The following AHCY variants were observed in gnomAD, a reference collection of about 807,000 sequenced individuals.
The protein encoded by AHCY is S-adenosyl-L-homocysteine hydrolase.
AHCY carries 24 observed loss-of-function variants against 45.4 expected under a neutral mutation model. That is an observed-to-expected ratio of 0.53 (90% confidence interval 0.38 to 0.74). The LOEUF (loss-of-function observed/expected upper bound fraction) is 0.74. Ranked by LOEUF, AHCY falls within the 30% of genes least tolerant of loss-of-function variation. AHCY has a pLI of 0.00. For missense variants in AHCY, 449 were observed against 594.1 expected (o/e 0.76, Z 2.54); for synonymous variants, 245 against 235.1 (o/e 1.04, Z -0.39).
chr20:34,302,901 G>C (rs2036827474), intron 1 of AHCY: 1 of 985,476 alleles, frequency 1.0e-6, no homozygotes, highest in Non-Finnish European at 1.2e-6. Flanking sequence ...AGGAGGCCGG[G>C]CGCAGGCCCC....
At chr20:34,240,939 C>T in the AHCY span, among the ~76,000 whole-genome samples, 1 of 152,100 alleles carries the variant, frequency 6.6e-6, no homozygotes, top group African/African-American at 2.4e-5. Context: ...ATGACGTTTG[C>T]TTGGCTGAAA....
the AHCY span, among the ~76,000 whole-genome samples, chr20:34,250,870 A>T: frequency 1.3e-5 from 2 of 152,100 alleles, no homozygotes; most frequent in African/African-American, 4.8e-5. Context: ...AAGGATTAAG[A>T]TACAATACTC....
intron 1 of AHCY, among the ~76,000 whole-genome samples, chr20:34,297,277 C>T (rs2036605338): frequency 6.6e-6 from 1 of 151,692 alleles, no homozygotes; most frequent in Admixed American, 6.6e-5. Context: ...ACCAAGACAT[C>T]ATATTTAATT....
the AHCY span, among the ~76,000 whole-genome samples, chr20:34,236,107 AGGAAAGGAAAGGAGT>A: frequency 8.6e-5 from 13 of 151,192 alleles, no homozygotes; most frequent in East Asian, 3.9e-4. Flanking sequence ...GGAGAAAGAA[AGGAAAGGAAAGGAGT>A]GGAAAGGAAA....
the AHCY span, chr20:34,269,200 C>A: frequency 6.9e-7 from 1 of 1,455,814 alleles, no homozygotes; most frequent in Admixed American, 2.5e-5. Flanking sequence ...GCAGGCAGGG[C>A]TTCGGGGACG....
chr20:34,272,091 G>T, the AHCY span, among the ~76,000 whole-genome samples: 2 of 151,594 alleles, frequency 1.3e-5, no homozygotes, highest in Non-Finnish European at 2.9e-5. Flanking sequence ...GGAGCCAAGC[G>T]GACAATGTCT....
intron 8 of AHCY, among the ~76,000 whole-genome samples, chr20:34,289,818 AC>A (rs2036312626): frequency 6.6e-6 from 1 of 151,800 alleles, no homozygotes; most frequent in Non-Finnish European, 1.5e-5. Context: ...CGGGGTTTCA[AC>A]CATGTTGGCC....
chr20:34,302,916 G>A (rs1165170768), intron 1 of AHCY: 2 of 985,350 alleles, frequency 2.0e-6, no homozygotes, highest in Non-Finnish European at 1.2e-6. Flanking sequence ...GGCCCCCCGA[G>A]CAGGGTCCGG....
chr20:34,250,324 G>A, the AHCY span, among the ~76,000 whole-genome samples: 1 of 152,176 alleles, frequency 6.6e-6, no homozygotes. Context: ...CTGTCTTCAA[G>A]AAGACTACTT....
intron 2 of AHCY, 185 bp downstream of exon 2, chr20:34,295,210 C>T (rs766904925): frequency 1.3e-5 from 10 of 767,624 alleles, no homozygotes; most frequent in South Asian, 1.2e-4. Flanking sequence ...AGAAAATCTG[C>T]AGAACACTCA....
chr20:34,245,270 G>A, the AHCY span, among the ~76,000 whole-genome samples: 1 of 148,930 alleles, frequency 6.7e-6, no homozygotes, highest in African/African-American at 2.5e-5. Context: ...GGAGGCGGAG[G>A]TGGCAGTGAG....
At chr20:34,302,802 C>G in intron 1 of AHCY, 1 of 1,013,424 alleles carries the variant, frequency 9.9e-7, no homozygotes, top group Non-Finnish European at 1.2e-6. Context: ...ATACACCCTC[C>G]GGGGTGCCCT....
the AHCY span, chr20:34,260,433 C>A: frequency 1.1e-5 from 17 of 1,614,168 alleles, 1 homozygote; most frequent in South Asian, 1.5e-4. Context: ...TTCTTCACTG[C>A]CAACAGCCAC....
intron 1 of AHCY, chr20:34,302,952 G>C: frequency 1.0e-6 from 1 of 985,452 alleles, no homozygotes; most frequent in African/African-American, 1.7e-5. Flanking sequence ...CCAGGCCGTG[G>C]CCAGGTGTGC....
the AHCY span, among the ~76,000 whole-genome samples, chr20:34,255,268 G>C: frequency 7.9e-5 from 12 of 152,214 alleles, no homozygotes; most frequent in African/African-American, 2.9e-4. Flanking sequence ...CAGCCCCCTC[G>C]TTCTCAATCC....
the AHCY span, chr20:34,246,084 C>CTG: frequency 1.1e-6 from 1 of 881,232 alleles, no homozygotes; most frequent in Non-Finnish European, 1.9e-6. Context: ...TGAGGCAGCA[C>CTG]AGGAGAATTT....
At chr20:34,258,525 G>C in the AHCY span, among the ~76,000 whole-genome samples, 1 of 148,080 alleles carries the variant, frequency 6.8e-6, no homozygotes, top group Non-Finnish European at 1.5e-5. Flanking sequence ...TAAGCACTGC[G>C]ATCAGTGGGA....
intron 1 of AHCY, among the ~76,000 whole-genome samples, chr20:34,296,839 A>T (rs754474389): frequency 6.6e-6 from 1 of 152,216 alleles, no homozygotes; most frequent in Non-Finnish European, 1.5e-5. Context: ...TTAATAATCT[A>T]AGAATTTAAT....
the AHCY span, among the ~76,000 whole-genome samples, chr20:34,254,366 C>A: frequency 6.6e-6 from 1 of 152,168 alleles, no homozygotes. Context: ...CCCGGCCTAG[C>A]ATTATTGTCC....
Sources: allele counts gnomAD v4.1 joint callset (sites outside exome capture counted in the v4.1 genomes callset), GRCh38; gene constraint gnomAD v4.1.1; transcripts MANE v1.5; gene names NCBI Gene and HGNC (gene_info 2026-07-23, HGNC 2026-07-21).